GRIP1: variants seen among roughly 807,000 people sequenced by gnomAD.
GRIP1 encodes glutamate receptor-interacting protein 1.
In GRIP1, 45 loss-of-function variants were observed where a neutral mutation model predicts 129.9. The observed-to-expected ratio is 0.35, with a 90% CI of 0.27 to 0.44. The LOEUF is 0.44. Ranked by LOEUF, GRIP1 falls within the 20% of genes least tolerant of loss-of-function variation. GRIP1 has a pLI of 1.00. For synonymous variants in GRIP1, 530 were observed against 520.8 expected, an observed-to-expected ratio of 1.02 and a Z score of -0.24; for missense variants, 1,196 against 1,396.8, an observed-to-expected ratio of 0.86 and a Z score of 2.29.
Position 66,696,134 on chromosome 12 carries a change from A to G in GRIP1, c.-419-65798T>C, listed in dbSNP as rs75133599. 4.5e-3 allele frequency among the ~76,000 whole-genome samples: 679 copies of G among 150,010 alleles called. 6 individuals carry two copies. Among genetic ancestry groups the G allele is most frequent in the African/African-American group, 0.016 (650 of 40,958 alleles). On this transcript the variant is annotated intron_variant, in intron 1 of 4. Coordinates refer to the GRIP1 transcript ENST00000538373. The stretch of plus-strand genomic sequence containing the variant: ...AAAATTACTATTATCTCAAAACCCC[A>G]TTTTTTTTTTAAAGGACAACTCATA...
chr12:66,572,053 T>C (rs1447380039), intron 2 of GRIP1, among the ~76,000 whole-genome samples: 1 of 152,214 alleles, frequency 6.6e-6, no homozygotes, highest in East Asian at 1.9e-4. Context: ...CACTTCTGGA[T>C]TCTGTGCTGC....
At chr12:67,033,308 A>G (rs565872460) in intron 1 of GRIP1, among the ~76,000 whole-genome samples, 1 of 148,646 alleles carries the variant, frequency 6.7e-6, no homozygotes, top group East Asian at 1.9e-4. Context: ...CAAATTAAGA[A>G]ATGGCTGTAA....
chr12:66,525,960 A>G (rs1253297470), intron 5 of GRIP1, among the ~76,000 whole-genome samples: 1 of 152,152 alleles, frequency 6.6e-6, no homozygotes, highest in Non-Finnish European at 1.5e-5. Flanking sequence ...AATACCTAGG[A>G]ATCCAACTTA....
chr12:66,831,101 G>A (rs1298529569), intron 1 of GRIP1, among the ~76,000 whole-genome samples: 4 of 151,874 alleles, frequency 2.6e-5, no homozygotes, highest in Admixed American at 6.6e-5. Flanking sequence ...CAATCCTCTC[G>A]CCTCGGCCTC....
At chr12:66,715,479 A>G (rs144116321) in intron 1 of GRIP1, among the ~76,000 whole-genome samples, 1 of 53,728 alleles carries the variant, frequency 1.9e-5, no homozygotes, top group South Asian at 5.9e-4. Context: ...TGTGAGAGAG[A>G]GAGAGAGAGA....
upstream of GRIP1, among the ~76,000 whole-genome samples, chr12:66,683,875 C>T (rs995897931): frequency 1.3e-5 from 2 of 152,162 alleles, no homozygotes; most frequent in African/African-American, 2.4e-5. Flanking sequence ...CAGAAATCAT[C>T]CTCCTAAGAG....
intron 13 of GRIP1, among the ~76,000 whole-genome samples, chr12:66,435,935 C>A (rs1160966582): frequency 1.3e-5 from 2 of 151,942 alleles, no homozygotes; most frequent in Admixed American, 6.6e-5. Flanking sequence ...GTTATTTTTT[C>A]TTTATATAAT....
At chr12:66,479,967 T>C (rs1205496512) in intron 7 of GRIP1, among the ~76,000 whole-genome samples, 2 of 152,188 alleles carry the variant, frequency 1.3e-5, no homozygotes, top group African/African-American at 4.8e-5. Context: ...AATATTATAC[T>C]GAATGGGCAA....
chr12:67,037,327 G>A (rs1335333593), intron 1 of GRIP1: 3 of 13,806 alleles, frequency 2.2e-4, no homozygotes, highest in African/African-American at 3.5e-4. Flanking sequence ...GACTCTGCCT[G>A]AAAATAATAA....
chr12:67,054,032 T>G (rs1349788574), intron 1 of GRIP1, among the ~76,000 whole-genome samples: 1 of 152,186 alleles, frequency 6.6e-6, no homozygotes, highest in Non-Finnish European at 1.5e-5. Flanking sequence ...TCTACCTATT[T>G]GTGGCAGGAG....
chr12:66,753,527 T>G (rs933444431), intron 1 of GRIP1, among the ~76,000 whole-genome samples: 3 of 152,194 alleles, frequency 2.0e-5, no homozygotes, highest in African/African-American at 7.2e-5. Flanking sequence ...GTTATGCCAC[T>G]GAGATTTGGG....
Position 66,889,925 on chromosome 12 carries a change from T to A in GRIP1, c.58+179125A>T, listed in dbSNP as rs138920929. Among the ~76,000 whole-genome samples, 1,059 of 152,136 alleles carry A rather than the reference T, an allele frequency of 7.0e-3. 54 individuals carry two copies. The highest frequency in any genetic ancestry group is 0.06 in the Admixed American group (912 of 15,270). On this transcript the variant is annotated intron_variant, in intron 1 of 1. Transcript: ENST00000643019. ...TAAACGGAGGCTCAGCTACTGTTTT[T>A]TTTTGTTTTTTGTTTTTTTTATCTT...
At chr12:66,629,950 T>C (rs2030561849) in intron 1 of GRIP1, among the ~76,000 whole-genome samples, 1 of 152,230 alleles carries the variant, frequency 6.6e-6, no homozygotes, top group Non-Finnish European at 1.5e-5. Context: ...TTTTACTCTA[T>C]TAAGTATAGG....
intron 2 of GRIP1, among the ~76,000 whole-genome samples, chr12:66,564,774 C>T (rs1462452035): frequency 6.6e-6 from 1 of 152,176 alleles, no homozygotes; most frequent in Non-Finnish European, 1.5e-5. Flanking sequence ...TTCTCCACAT[C>T]CTCTCCAGCA....
At chr12:66,377,820 T>G (rs1217624200) in intron 20 of GRIP1, among the ~76,000 whole-genome samples, 1 of 152,052 alleles carries the variant, frequency 6.6e-6, no homozygotes, top group Non-Finnish European at 1.5e-5. Flanking sequence ...ATGGTCTTAC[T>G]ACCGGATTTC....
intron 1 of GRIP1, among the ~76,000 whole-genome samples, chr12:66,897,705 C>T (rs3924008): frequency 0.09 from 13,689 of 152,234 alleles, 728 homozygotes; most frequent in Admixed American, 0.17. Flanking sequence ...GGGAAATTAA[C>T]GCTATGCCTC....
chr12:66,664,834 CT>C (rs1016276891), intron 1 of GRIP1, among the ~76,000 whole-genome samples: 4 of 151,946 alleles, frequency 2.6e-5, no homozygotes, highest in African/African-American at 9.7e-5. Flanking sequence ...TTGTTTTTCT[CT>C]TTTTAATGTT....
intron 1 of GRIP1, among the ~76,000 whole-genome samples, chr12:66,688,975 C>T (rs895368004): frequency 6.6e-6 from 1 of 152,078 alleles, no homozygotes; most frequent in Non-Finnish European, 1.5e-5. Context: ...GTGCACAAGC[C>T]CCCTGCAGTC....
intron 2 of GRIP1, among the ~76,000 whole-genome samples, chr12:66,542,924 T>C (rs2061830946): frequency 6.6e-6 from 1 of 152,166 alleles, no homozygotes; most frequent in Non-Finnish European, 1.5e-5. Flanking sequence ...CATATTAAAA[T>C]GCAAAAACAA....
Sources: allele counts gnomAD v4.1 joint callset (sites outside exome capture counted in the v4.1 genomes callset), GRCh38; gene constraint gnomAD v4.1.1; transcripts MANE v1.5; gene names NCBI Gene and HGNC (gene_info 2026-07-23, HGNC 2026-07-21).